SPATA17: variants seen among roughly 807,000 people sequenced by gnomAD.
SPATA17 encodes the protein spermatogenesis-associated protein 17.
SPATA17 carries 53 observed loss-of-function variants against 62.2 expected under a neutral mutation model. The ratio of observed to expected loss-of-function variants is 0.85; its 90% CI spans 0.68 to 1.07. The LOEUF is 1.07. SPATA17 is among the 50% of genes least tolerant of loss of function. The pLI, the probability that SPATA17 is intolerant of heterozygous loss-of-function variation, is 0.00. For synonymous variants in SPATA17, 146 were observed against 146.8 expected, an observed-to-expected ratio of 0.99 and a Z score of 0.04; for missense variants, 466 against 425.5, an observed-to-expected ratio of 1.10 and a Z score of -0.84.
chr1:217,793,215 G>GTTTTTTTTTTTTTTTT lies in SPATA17; in HGVS notation c.873-8498_873-8497insTTTTTTTTTTTTTTTT, dbSNP rs376041446. On this transcript the variant is annotated intron_variant, in intron 8 of 10. Coordinates refer to ENST00000366933, the MANE Select transcript of SPATA17 (RefSeq NM_138796.4). ...GAATTGCTTTAATGTTAGGGCAGTGGTTTTTGTTTTTTTTTTTTTTTTTGA... is the reference window on the plus strand; with the variant it reads ...GAATTGCTTTAATGTTAGGGCAGTGGTTTTTTTTTTTTTTTTTTTTTGTTTTTTTTTTTTTTTTTGA... Among the ~76,000 whole-genome samples, 2 of 114,598 alleles carry GTTTTTTTTTTTTTTTT rather than the reference G, an allele frequency of 1.7e-5. 1 individual carries two copies. 75.2% of individuals were successfully genotyped at this position (114,598 alleles called of 152,430 possible). A position where few individuals can be genotyped will look rare whatever the true frequency, so the allele number is the denominator to read the frequency against.
intron 9 of SPATA17, among the ~76,000 whole-genome samples, chr1:217,851,993 C>T (rs144352700): frequency 0.013 from 2,006 of 152,196 alleles, 110 homozygotes; most frequent in Admixed American, 0.11. Context: ...TGTTATGCAA[C>T]GGCCTCCCCT....
chr1:217,700,671 C>G (rs1671575002), intron 5 of SPATA17, among the ~76,000 whole-genome samples: 2 of 152,040 alleles, frequency 1.3e-5, no homozygotes, highest in South Asian at 4.2e-4. Flanking sequence ...ACTGCACCCT[C>G]CGCCTCCCAG....
intron 1 of SPATA17, among the ~76,000 whole-genome samples, chr1:217,639,981 A>C (rs1047379751): frequency 1.3e-5 from 2 of 151,790 alleles, no homozygotes; most frequent in Non-Finnish European, 2.9e-5. Context: ...CAAATTAGTA[A>C]ATTTATTCAT....
At chr1:217,787,970 G>T (rs547425730) in intron 8 of SPATA17, among the ~76,000 whole-genome samples, 1 of 152,148 alleles carries the variant, frequency 6.6e-6, no homozygotes, top group Non-Finnish European at 1.5e-5. Context: ...TTCCAAACAT[G>T]AAATGGGACC....
At chr1:217,863,133 T>TG (rs1330028778) in intron 10 of SPATA17, among the ~76,000 whole-genome samples, 3 of 148,070 alleles carry the variant, frequency 2.0e-5, no homozygotes, top group Admixed American at 2.0e-4. Context: ...TTTTTTTTTT[T>TG]TTTTTTTGAG....
At chr1:217,852,663 T>C (rs1377601573) in intron 9 of SPATA17, among the ~76,000 whole-genome samples, 3 of 152,186 alleles carry the variant, frequency 2.0e-5, no homozygotes, top group Admixed American at 6.5e-5. Context: ...AGGTTTCAGA[T>C]GTTGGAAAAC....
At chr1:217,743,527 T>C (rs1261766980) in intron 6 of SPATA17, among the ~76,000 whole-genome samples, 1 of 152,152 alleles carries the variant, frequency 6.6e-6, no homozygotes, top group Admixed American at 6.5e-5. Context: ...TCTTTCTTAA[T>C]ATGAGTTCTA....
intron 9 of SPATA17, among the ~76,000 whole-genome samples, chr1:217,860,750 T>C (rs75104403): frequency 5.9e-5 from 9 of 152,280 alleles, no homozygotes; most frequent in African/African-American, 1.9e-4. Flanking sequence ...GTGAGTTTCA[T>C]GTCGACGACA....
At chr1:217,727,018 C>T (rs1011308218) in intron 5 of SPATA17, among the ~76,000 whole-genome samples, 6 of 151,798 alleles carry the variant, frequency 4.0e-5, no homozygotes, top group African/African-American at 1.5e-4. Flanking sequence ...GAGGCTGAGG[C>T]GGGCGGATCA....
chr1:217,673,839 G>A (rs1326140209), intron 4 of SPATA17, among the ~76,000 whole-genome samples: 1 of 152,120 alleles, frequency 6.6e-6, no homozygotes, highest in Non-Finnish European at 1.5e-5. Flanking sequence ...TAGCAAAAGA[G>A]TAGAGGTTCG....
At chr1:217,798,777 T>C in intron 8 of SPATA17, among the ~76,000 whole-genome samples, 1 of 150,510 alleles carries the variant, frequency 6.6e-6, no homozygotes, top group East Asian at 2.0e-4. Context: ...ACATCCATCA[T>C]AGAGAAGTTA....
intron 5 of SPATA17, among the ~76,000 whole-genome samples, chr1:217,684,039 G>A (rs1445551112): frequency 6.6e-6 from 1 of 152,074 alleles, no homozygotes; most frequent in East Asian, 1.9e-4. Flanking sequence ...ATGTTCCATA[G>A]CAAGAACTTG....
intron 3 of SPATA17, among the ~76,000 whole-genome samples, chr1:217,663,806 G>A (rs976315393): frequency 3.3e-5 from 5 of 151,996 alleles, no homozygotes; most frequent in Non-Finnish European, 7.4e-5. Flanking sequence ...ACTTGAAATG[G>A]TTGATTATTT....
chr1:217,811,584 T>G (rs1330537785), intron 9 of SPATA17, among the ~76,000 whole-genome samples: 1 of 151,882 alleles, frequency 6.6e-6, no homozygotes, highest in Non-Finnish European at 1.5e-5. Context: ...TCCCAGCTGC[T>G]CAGGAGGCTG....
chr1:217,772,789 G>A (rs561182235), intron 6 of SPATA17, among the ~76,000 whole-genome samples: 4 of 152,312 alleles, frequency 2.6e-5, no homozygotes, highest in Admixed American at 2.6e-4. Context: ...CAGACTCTCT[G>A]TGCTCCAGCT....
intron 9 of SPATA17, among the ~76,000 whole-genome samples, chr1:217,813,732 C>G (rs1674649646): frequency 6.6e-6 from 1 of 151,942 alleles, no homozygotes; most frequent in Admixed American, 6.6e-5. Flanking sequence ...CTTGTCTAGT[C>G]TTTCTAAGGA....
chr1:217,851,577 A>G (rs187495747), intron 9 of SPATA17, among the ~76,000 whole-genome samples: 14 of 152,310 alleles, frequency 9.2e-5, no homozygotes, highest in Non-Finnish European at 1.6e-4. Flanking sequence ...TATTTGTTGC[A>G]TAAATTAAAC....
chr1:217,662,174 AT>A (rs1471437053), intron 3 of SPATA17, among the ~76,000 whole-genome samples: 14 of 152,242 alleles, frequency 9.2e-5, no homozygotes, highest in African/African-American at 3.4e-4. Context: ...TCATTACCCA[AT>A]TTACATTATG....
At chr1:217,760,376 T>C (rs1673144966) in intron 6 of SPATA17, among the ~76,000 whole-genome samples, 1 of 152,186 alleles carries the variant, frequency 6.6e-6, no homozygotes, top group Non-Finnish European at 1.5e-5. Flanking sequence ...AAAATTCTAA[T>C]CACTTAGCTC....
Sources: allele counts gnomAD v4.1 joint callset (sites outside exome capture counted in the v4.1 genomes callset), GRCh38; gene constraint gnomAD v4.1.1; transcripts MANE v1.5; gene names NCBI Gene and HGNC (gene_info 2026-07-23, HGNC 2026-07-21).